Variants in DNAH9 observed in about 807,000 individuals in gnomAD.
The protein encoded by DNAH9 is DNAH9 variant protein.
In DNAH9, 345 loss-of-function variants were observed where a neutral mutation model predicts 471.6. The ratio of observed to expected loss-of-function variants is 0.73; its 90% CI spans 0.67 to 0.80. The LOEUF is 0.80. Among genes scored for constraint, DNAH9 ranks in the 30% least tolerant of loss-of-function variants. DNAH9 has a pLI of 0.00. For missense variants in DNAH9, 5,407 were observed against 5,609.2 expected, an observed-to-expected ratio of 0.96 and a Z score of 1.15; for synonymous variants, 2,093 against 2,123.6, an observed-to-expected ratio of 0.99 and a Z score of 0.40.
At chr17:11,673,539 C>T (rs2074002622) in intron 17 of DNAH9, among the ~76,000 whole-genome samples, 1 of 150,902 alleles carries the variant, frequency 6.6e-6, no homozygotes, top group Non-Finnish European at 1.5e-5. Flanking sequence ...CTTCCAGCTA[C>T]AACACAATTT....
At chr17:11,733,441 A>G (rs2075298789) in intron 28 of DNAH9, among the ~76,000 whole-genome samples, 1 of 152,190 alleles carries the variant, frequency 6.6e-6, no homozygotes, top group Non-Finnish European at 1.5e-5. Flanking sequence ...TCCAGTCATG[A>G]GGGGAAAGAT....
chr17:11,781,514 A>G (rs983990717), intron 39 of DNAH9, among the ~76,000 whole-genome samples: 16 of 152,188 alleles, frequency 1.1e-4, no homozygotes, highest in Non-Finnish European at 2.2e-4. Context: ...ATGGCCCCAC[A>G]GCACTGGGCA....
chr17:11,690,405 G>A lies in DNAH9; in HGVS notation c.4583G>A (p.Gly1528Glu). 4 of 1,613,878 alleles carry A rather than the reference G, an allele frequency of 2.5e-6. No individual in the cohort carries two copies. The highest frequency in any genetic ancestry group is 3.4e-6 in the Non-Finnish European group (4 of 1,179,796). Residue 1528 changes from glycine (G) to glutamate (E), a missense_variant, in exon 20 of 69, where the codon GGA (glycine) becomes GAA (glutamate). By Grantham distance (98) the Gly-to-Glu change is moderately conservative. Transcript: ENST00000262442. ...ACTCACCTGGAAAGCATATTCACTG[G>A]ATCTGAAGATATTCGGGCACAGCTA... Reference protein sequence around the residue: ...TWTHLESIFTGSEDIRAQLPQ... With the variant: ...TWTHLESIFTESEDIRAQLPQ...
intron 19 of DNAH9, among the ~76,000 whole-genome samples, chr17:11,685,601 G>A (rs958654031): frequency 2.0e-5 from 3 of 152,100 alleles, no homozygotes; most frequent in African/African-American, 7.2e-5. Context: ...GAGGGAGAGG[G>A]GAAAATAGAT....
intron 17 of DNAH9, among the ~76,000 whole-genome samples, chr17:11,671,117 A>T (rs2073965180): frequency 6.6e-6 from 1 of 152,256 alleles, no homozygotes; most frequent in Non-Finnish European, 1.5e-5. Flanking sequence ...GGACTGTGAC[A>T]GATGCCCCAG....
intron 22 of DNAH9, among the ~76,000 whole-genome samples, chr17:11,695,497 A>G (rs553154256): frequency 2.6e-5 from 4 of 152,340 alleles, no homozygotes; most frequent in African/African-American, 7.2e-5. Flanking sequence ...CTGGTTCTAG[A>G]CAGTTACTAG....
At chr17:11,645,879 CTTTTTT>C (rs760279719) in intron 11 of DNAH9, among the ~76,000 whole-genome samples, 3 of 70,616 alleles carry the variant, frequency 4.2e-5, no homozygotes, top group Non-Finnish European at 1.1e-4. Flanking sequence ...TTTTCTTTTT[CTTTTTT>C]TTTTTTTTTT....
chr17:11,869,027 G>C, intron 50 of DNAH9, 107 bp from the exon 51 acceptor site: 1 of 1,351,902 alleles, frequency 7.4e-7, no homozygotes, highest in Non-Finnish European at 1.0e-6. Flanking sequence ...GAATGCCCCC[G>C]CAGAGTGCTT....
At chr17:11,823,437 C>T (rs1331226786) in intron 48 of DNAH9, among the ~76,000 whole-genome samples, 2 of 152,144 alleles carry the variant, frequency 1.3e-5, no homozygotes, top group Non-Finnish European at 2.9e-5. Context: ...ATTCACTTCC[C>T]TTCCATCCTC....
chr17:11,879,381 T>A (rs926011710), intron 53 of DNAH9, among the ~76,000 whole-genome samples: 1 of 152,192 alleles, frequency 6.6e-6, no homozygotes, highest in African/African-American at 2.4e-5. Context: ...GGTTTTCTCC[T>A]TGCCAGCCTC....
chr17:11,931,810 A>C (rs1245740210), intron 63 of DNAH9, among the ~76,000 whole-genome samples: 1 of 151,926 alleles, frequency 6.6e-6, no homozygotes, highest in Non-Finnish European at 1.5e-5. Context: ...CCCTATTATC[A>C]CCTGAATCTA....
intron 57 of DNAH9, among the ~76,000 whole-genome samples, chr17:11,888,007 G>A (rs1461589024): frequency 4.0e-5 from 6 of 151,370 alleles, no homozygotes; most frequent in African/African-American, 7.3e-5. Context: ...TTTTGAGAGG[G>A]AGTCTCGCTT....
Position 11,942,345 on chromosome 17 carries a change from G to A in DNAH9, c.12703G>A (p.Glu4235Lys), listed in dbSNP as rs764035063. ...AGAAATATTGGAGCGGGTGACAGAC[G>A]AGTTTAACATCCCAGAACTGATGGC... ...LEEILERVTD[E>K]FNIPELMAKV... is the part of the protein sequence containing the mutation. Residue 4235 changes from glutamate (E) to lysine (K), a missense_variant, in exon 67 of 69, where the codon GAG becomes AAG. By Grantham distance (56) the Glu-to-Lys change is moderately conservative. This residue lies in a region of DNAH9 where 4,636 missense variants were observed against 4,900.3 expected (regional missense o/e 0.95). Coordinates refer to ENST00000262442, the MANE Select transcript of DNAH9 (RefSeq NM_001372.4). The A allele has an allele frequency of 9.3e-6, 15 of 1,614,056 alleles. No homozygotes were observed. Among genetic ancestry groups the A allele is most frequent in the East Asian group, 4.5e-5 (2 of 44,894 alleles).
rs755973642 is a variant in DNAH9 at position 11,894,430 on chromosome 17, T to A, written c.11340T>A (p.Ser3780=). Residue 3780 remains serine (S), a synonymous_variant, in exon 59 of 69, where the codon TCT becomes TCA. Coordinates refer to ENST00000262442, the MANE Select transcript of DNAH9 (RefSeq NM_001372.4). ...NAVELDFLLR[S]PVQTGTASPV... Reference sequence around the variant, plus strand: ...TGGAGTTGGATTTCCTGCTTCGATCTCCAGTGCAGACGGGCACCGCCAGCC... The same window carrying A: ...TGGAGTTGGATTTCCTGCTTCGATCACCAGTGCAGACGGGCACCGCCAGCC... 51 of 1,614,008 alleles carry A rather than the reference T, an allele frequency of 3.2e-5. No homozygotes were observed. The highest frequency in any genetic ancestry group is 4.2e-5 in the Non-Finnish European group (49 of 1,180,012).
intron 41 of DNAH9, among the ~76,000 whole-genome samples, chr17:11,785,438 G>A (rs1968832835): frequency 6.6e-6 from 1 of 152,118 alleles, no homozygotes; most frequent in Admixed American, 6.5e-5. Flanking sequence ...GAGCAATTAT[G>A]CAGGCAGGAC....
In DNAH9 at chr17:11,812,056, C is replaced by CATACAT. The variant is rs371646004; in HGVS notation, c.8707+1688_8707+1689insTACATA. Among the ~76,000 whole-genome samples, 156 of 63,412 alleles carry CATACAT rather than the reference C, an allele frequency of 2.5e-3. 7 individuals carry two copies. The highest frequency in any genetic ancestry group is 0.015 in the South Asian group (26 of 1,742). 41.6% of individuals were successfully genotyped at this position (63,412 alleles called of 152,430 possible). A position where few individuals can be genotyped will look rare whatever the true frequency, so the allele number is the denominator to read the frequency against. ...ATATATATATATATATATATATATA[C>CATACAT]ACATACATACACACATACATCCAAG... is the stretch of plus-strand genomic sequence containing the variant. On this transcript the variant is annotated intron_variant, in intron 45 of 68. Transcript: ENST00000262442.
chr17:11,643,617 G>A (rs770264609), intron 10 of DNAH9, among the ~76,000 whole-genome samples: 1 of 152,184 alleles, frequency 6.6e-6, no homozygotes, highest in Non-Finnish European at 1.5e-5. Flanking sequence ...GTGGTCTAGA[G>A]TATTGTTCCT....
rs1484957315 is a variant in DNAH9 at position 11,905,745 on chromosome 17, A to T, written c.11685A>T (p.Pro3895=). 6 of 1,614,180 alleles carry T rather than the reference A, an allele frequency of 3.7e-6. No homozygotes were observed. The highest frequency in any genetic ancestry group is 8.5e-7 in the Non-Finnish European group (1 of 1,180,016). ...CAACCTCATTTGAAGAATCGGGACC[A>T]GCCACTCCTATGTTTTTCATCCTGT... is the stretch of plus-strand genomic sequence containing the variant. ...DFATSFEESG[P]ATPMFFILSP... Residue 3895 remains proline (P), a synonymous_variant, in exon 61 of 69, where the codon CCA becomes CCT. Transcript: ENST00000262442.
chr17:11,610,312 G>C, intron 2 of DNAH9, 84 bp from the exon 3 acceptor site: 2 of 1,148,628 alleles, frequency 1.7e-6, no homozygotes, highest in South Asian at 3.1e-5. Context: ...TTGGGATTCT[G>C]TCTTGGGGTA....
Sources: gnomAD v4.1 joint callset for allele counts (sites outside exome capture counted in the v4.1 genomes callset) on GRCh38, gnomAD v4.1.1 for gene constraint, gnomAD v4.1.1 regional missense constraint, MANE v1.5 for transcripts, NCBI Gene and HGNC (gene_info 2026-07-23, HGNC 2026-07-21) for gene names.